CEP290: variants seen among roughly 807,000 people sequenced by gnomAD.
CEP290 encodes the protein centrosomal protein 290, also known as centrosomal protein of 290 kDa.
CEP290 carries 317 observed loss-of-function variants against 344.9 expected under a neutral mutation model. That is an observed-to-expected ratio of 0.92 (90% confidence interval 0.84 to 1.01). The LOEUF is 1.01. Among genes scored for constraint, CEP290 ranks in the 50% least tolerant of loss-of-function variants. The pLI is 0.00. For missense variants in CEP290, 2,754 were observed against 2,761.4 expected, an observed-to-expected ratio of 1.00 and a Z score of 0.06; for synonymous variants, 932 against 895.8, an observed-to-expected ratio of 1.04 and a Z score of -0.72.
intron 39 of CEP290, 74 bp downstream of exon 39, chr12:88,079,018 T>TA: frequency 1.5e-6 from 2 of 1,304,512 alleles, no homozygotes; most frequent in Non-Finnish European, 1.0e-6. Context: ...ACAAAATTAC[T>TA]ATATATCATA....
intron 34 of CEP290, among the ~76,000 whole-genome samples, chr12:88,085,316 AAG>A (rs946307331): frequency 5.9e-5 from 9 of 152,242 alleles, no homozygotes; most frequent in South Asian, 2.1e-4. Context: ...TATTAAAACA[AAG>A]AGAAAAAAAC....
chr12:88,141,159 AATC>A (rs1354885197), intron 2 of CEP290, 44 bp downstream of exon 2: 4 of 1,315,074 alleles, frequency 3.0e-6, no homozygotes, highest in Non-Finnish European at 4.1e-6. Flanking sequence ...TTAATAAATT[AATC>A]ATAAGTTAAT....
chr12:88,084,754 A>T lies in CEP290; in HGVS notation c.4536T>A (p.Thr1512=), dbSNP rs758012634. ...CAGCTATGAGCTTTTCTCTTTCTGC[A>T]GTGGCAGGCAATCGAAGCCTCAGTT... ...INELRLRLPA[T]AEREKLIAEL... is the part of the protein sequence containing the mutation. The change falls in exon 35 of 54, where the codon ACT becomes ACA. Residue 1512 remains threonine, a synonymous_variant. Coordinates refer to ENST00000552810, the MANE Select transcript of CEP290 (RefSeq NM_025114.4). 2 of 1,613,656 alleles carry T rather than the reference A, an allele frequency of 1.2e-6. No individual in the cohort carries two copies. Among genetic ancestry groups the T allele is most frequent in the South Asian group, 2.2e-5 (2 of 91,064 alleles).
intron 15 of CEP290, among the ~76,000 whole-genome samples, chr12:88,119,775 T>C (rs2039290590): frequency 2.0e-5 from 3 of 152,028 alleles, no homozygotes. Flanking sequence ...CAAACAAACA[T>C]GGGTAATACA....
At chr12:88,133,701 T>A (rs1184533962) in intron 6 of CEP290, among the ~76,000 whole-genome samples, 2 of 152,146 alleles carry the variant, frequency 1.3e-5, no homozygotes, top group African/African-American at 4.8e-5. Flanking sequence ...ACAATCTTTA[T>A]GAAGATATGA....
chr12:88,116,070 A>G, intron 18 of CEP290: 1 of 985,346 alleles, frequency 1.0e-6, no homozygotes, highest in Non-Finnish European at 1.2e-6. Flanking sequence ...TTTTTGCCTA[A>G]GTGATAACTT....
chr12:88,127,690 C>T (rs1193292491), intron 11 of CEP290, among the ~76,000 whole-genome samples: 1 of 152,062 alleles, frequency 6.6e-6, no homozygotes, highest in Non-Finnish European at 1.5e-5. Context: ...AATGTATTTG[C>T]AACATACATG....
intron 37 of CEP290, among the ~76,000 whole-genome samples, chr12:88,081,812 A>G (rs1308442326): frequency 6.6e-6 from 1 of 152,248 alleles, no homozygotes; most frequent in Non-Finnish European, 1.5e-5. Context: ...CTACACCCAC[A>G]AATTAGATGC....
At position 88,089,450 on chromosome 12, in the gene CEP290, T is replaced by C; in HGVS notation, c.3611A>G (p.His1204Arg). Reference protein sequence around the residue: ...SDEKSLIAKLHQHNVSLQLSE... With the variant: ...SDEKSLIAKLRQHNVSLQLSE... ...CAGTTGAAGAGAGACATTATGTTGG[T>C]GCAACTTGGCAATGAGCGACTTTTC... Residue 1204 changes from histidine to arginine, a missense_variant, in exon 31 of 54, where the codon CAC (histidine) becomes CGC (arginine). Coordinates refer to ENST00000552810, the MANE Select transcript of CEP290 (RefSeq NM_025114.4). The C allele has an allele frequency of 6.3e-7, 1 of 1,580,870 alleles. No individual in the cohort carries two copies. Among genetic ancestry groups the C allele is most frequent in the Non-Finnish European group, 8.6e-7 (1 of 1,160,954 alleles).
chr12:88,103,296 T>C (rs578043513), intron 25 of CEP290: 145 of 185,770 alleles, frequency 7.8e-4, no homozygotes, highest in African/African-American at 3.3e-3. Context: ...ACAGCAGGAA[T>C]ATATCACTCG....
chr12:88,115,697 T>C, intron 18 of CEP290: 1 of 999,696 alleles, frequency 1.0e-6, no homozygotes, highest in Non-Finnish European at 1.3e-6. Context: ...TAACTATAAT[T>C]GTTACAGAAC....
intron 5 of CEP290, 51 bp from the exon 6 acceptor site, chr12:88,136,837 T>C: frequency 6.7e-7 from 1 of 1,487,588 alleles, no homozygotes; most frequent in South Asian, 1.2e-5. Flanking sequence ...ATTTTGAGGT[T>C]CAAATGAGTC....
At chr12:88,071,174 T>A in intron 43 of CEP290, 120 bp downstream of exon 43, 1 of 820,924 alleles carries the variant, frequency 1.2e-6, no homozygotes, top group Non-Finnish European at 1.9e-6. Context: ...AATATCTCAA[T>A]TCACATGGGA....
In CEP290 at chr12:88,131,154, A is replaced by G; in HGVS notation, c.495+11T>C. ...CTTTGTTGAACCACCACAACTACTA[A>G]AATTTTTTACCTCTCTTCTTAATTT... On this transcript the variant is annotated intron_variant, in intron 7 of 53. Coordinates refer to ENST00000552810, the MANE Select transcript of CEP290 (RefSeq NM_025114.4). 6.6e-7 allele frequency: 1 copy of G among 1,510,586 alleles called. No individual in the cohort carries two copies. The highest frequency in any genetic ancestry group is 8.8e-7 in the Non-Finnish European group (1 of 1,134,816). 93.6% of individuals were successfully genotyped at this position (1,510,586 alleles called of 1,614,324 possible).
chr12:88,124,919 A>T (rs2039640320), intron 13 of CEP290, among the ~76,000 whole-genome samples: 1 of 152,050 alleles, frequency 6.6e-6, no homozygotes, highest in Non-Finnish European at 1.5e-5. Flanking sequence ...ACTGGTCAAA[A>T]TTTTATTATC....
At chr12:88,087,968 C>T (rs2137252489) in intron 31 of CEP290, 24 bp from the exon 32 acceptor site, 1 of 943,416 alleles carries the variant, frequency 1.1e-6, no homozygotes, top group Non-Finnish European at 1.4e-6. Flanking sequence ...TTTATATACA[C>T]AAATATAAAT....
Position 88,106,841 on chromosome 12 carries a change from CT to C in CEP290, c.2650del (p.Arg884GlyfsTer8), listed in dbSNP as rs2038318083. 6.2e-7 allele frequency: 1 copy of C among 1,607,728 alleles called. No individual in the cohort carries two copies. Among genetic ancestry groups the C allele is most frequent in the Non-Finnish European group, 8.5e-7 (1 of 1,176,786 alleles). On this transcript the variant is annotated frameshift_variant, in exon 25 of 54. Transcript: ENST00000552810. LOFTEE classifies it high-confidence loss of function. The part of the protein sequence containing the change: ...EMKKILAENS[R>X]KITVLQVNEK... ...ATTCACTTGCAAAACAGTAATTTTC[CT>C]ACTATTTTCTGCAAGTATTTTTTTC...
intron 17 of CEP290, among the ~76,000 whole-genome samples, chr12:88,118,095 A>G (rs1022481048): frequency 3.2e-4 from 49 of 151,782 alleles, no homozygotes; most frequent in African/African-American, 1.1e-3. Flanking sequence ...TTCAATGCAT[A>G]GTCCTTAAGG....
intron 44 of CEP290, among the ~76,000 whole-genome samples, chr12:88,064,872 A>G (rs2034783067): frequency 6.6e-6 from 1 of 152,116 alleles, no homozygotes; most frequent in Admixed American, 6.5e-5. Flanking sequence ...ACCTTAGCAA[A>G]TGAATACACT....
Sources: allele counts gnomAD v4.1 joint callset (sites outside exome capture counted in the v4.1 genomes callset), GRCh38; gene constraint gnomAD v4.1.1; transcripts MANE v1.5; gene names NCBI Gene and HGNC (gene_info 2026-07-23, HGNC 2026-07-21).